GGA3: variants seen among roughly 807,000 people sequenced by gnomAD.
GGA3 encodes ADP-ribosylation factor-binding protein GGA3.
In GGA3, 57 loss-of-function variants were observed where a neutral mutation model predicts 77.5. That is an observed-to-expected ratio of 0.74 (90% CI 0.59 to 0.92). GGA3 has a LOEUF of 0.92. GGA3 is among the 40% of genes least tolerant of loss of function. The pLI, the probability that GGA3 is intolerant of heterozygous loss-of-function variation, is 0.00. For missense variants in GGA3, 970 were observed against 914.9 expected (o/e 1.06, Z -0.78); for synonymous variants, 416 against 383.7 (o/e 1.08, Z -0.98).
At chr17:75,259,650 G>A (rs1387783503) in intron 1 of GGA3, among the ~76,000 whole-genome samples, 1 of 152,172 alleles carries the variant, frequency 6.6e-6, no homozygotes, top group African/African-American at 2.4e-5. Flanking sequence ...GGACGGGAGA[G>A]ACCTGGGTCT....
At chr17:75,257,685 C>T (rs1314917486) in intron 1 of GGA3, among the ~76,000 whole-genome samples, 2 of 152,118 alleles carry the variant, frequency 1.3e-5, no homozygotes, top group Admixed American at 6.5e-5. Context: ...GATCTCCCTT[C>T]GGCTTAATCT....
At position 75,238,223 on chromosome 17, in the gene GGA3, C is replaced by G. The variant is rs2076387935; in HGVS notation, c.*56G>C. The G allele has an allele frequency of 3.1e-6, 5 of 1,592,796 alleles. No homozygotes were observed. Among genetic ancestry groups the G allele is most frequent in the South Asian group, 2.3e-5 (2 of 88,754 alleles). ...GGAGAGTGACGGGACCAGAGCCCTC[C>G]TCGTCTCAGGGCAGCCTGCCTGGCT... On this transcript the variant is annotated 3_prime_UTR_variant, in exon 17 of 17. Coordinates refer to ENST00000537686, the MANE Select transcript of GGA3 (RefSeq NM_138619.4).
rs867220927 is a variant in GGA3, at chr17:75,238,313, T to G, written c.2138A>C (p.Gln713Pro). 1 of 1,613,818 alleles carries G rather than the reference T, an allele frequency of 6.2e-7. No homozygotes were observed. The highest frequency in any genetic ancestry group is 1.7e-4 in the Middle Eastern group (1 of 6,060). ...CCCCCACTGTTCCACAGGAGGGAAC[T>G]GGTCCACCTCGCCCACCTCTGTGCT... ...QLSTEVGEVD[Q>P]FPPVEQWGNL is the part of the protein sequence containing the mutation. Residue 713 changes from glutamine to proline, a missense_variant, in exon 17 of 17, where the codon CAG (glutamine) becomes CCG (proline). Gln to Pro is a moderately conservative substitution (Grantham distance 76). Coordinates refer to ENST00000537686, the MANE Select transcript of GGA3 (RefSeq NM_138619.4).
upstream of GGA3, chr17:75,261,648 G>T: frequency 6.9e-7 from 1 of 1,444,378 alleles, no homozygotes; most frequent in South Asian, 1.4e-5. Flanking sequence ...GCTGAGACGG[G>T]GCGGGGCCTG....
In GGA3 at chr17:75,238,233, G is replaced by T; in HGVS notation, c.*46C>A. The T allele has an allele frequency of 6.2e-7, 1 of 1,601,740 alleles. No individual in the cohort carries two copies. Among genetic ancestry groups the T allele is most frequent in the South Asian group, 1.1e-5 (1 of 89,884 alleles). On this transcript the variant is annotated 3_prime_UTR_variant, in exon 17 of 17. Transcript: ENST00000537686. ...GGGACCAGAGCCCTCCTCGTCTCAG[G>T]GCAGCCTGCCTGGCTTCAAGGTGGA...
rs1187392151 is a variant in GGA3 at position 75,237,530 on chromosome 17, C to T, written c.*749G>A. 10 of 1,535,762 alleles carry T rather than the reference C, an allele frequency of 6.5e-6. No homozygotes were observed. Among genetic ancestry groups the T allele is most frequent in the Non-Finnish European group, 7.8e-6 (9 of 1,146,672 alleles). ...CTTTTCCCAGAAAGCTGAGTACCTG[C>T]TTCTGGAGAAGGGGAAATACTGGCT... On this transcript the variant is annotated 3_prime_UTR_variant, in exon 17 of 17. Coordinates refer to ENST00000537686, the MANE Select transcript of GGA3 (RefSeq NM_138619.4).
chr17:75,245,934 G>A (rs1401576528), intron 3 of GGA3, among the ~76,000 whole-genome samples: 1 of 152,196 alleles, frequency 6.6e-6, no homozygotes, highest in Non-Finnish European at 1.5e-5. Flanking sequence ...AGTCAGGCTA[G>A]AGCCCCGGAT....
rs1477469612 is a variant in GGA3 at position 75,246,703 on chromosome 17, G to A, written c.125+9C>T. 1 of 1,611,712 alleles carries A rather than the reference G, an allele frequency of 6.2e-7. No homozygotes were observed. The highest frequency in any genetic ancestry group is 8.5e-7 in the Non-Finnish European group (1 of 1,177,808). The stretch of plus-strand genomic sequence containing the variant: ...CCCTCTCAGCTGCCCCCACAGTGCT[G>A]AGACTCACCCTTCCAGCTCCTTGTT... On this transcript the variant is annotated intron_variant, in intron 2 of 16. Coordinates refer to ENST00000537686, the MANE Select transcript of GGA3 (RefSeq NM_138619.4).
chr17:75,250,288 A>C (rs888456662), intron 1 of GGA3, among the ~76,000 whole-genome samples: 6 of 152,014 alleles, frequency 3.9e-5, no homozygotes, highest in African/African-American at 1.2e-4. Flanking sequence ...GTTTCTGTCT[A>C]TTTTCGAGTC....
At chr17:75,247,500 G>C (rs1263704705) in intron 1 of GGA3, among the ~76,000 whole-genome samples, 1 of 152,190 alleles carries the variant, frequency 6.6e-6, no homozygotes, top group Admixed American at 6.5e-5. Flanking sequence ...GACCTCAGGT[G>C]ATCGGCCCGC....
intron 7 of GGA3, 136 bp downstream of exon 7, chr17:75,242,695 T>C: frequency 1.1e-6 from 1 of 905,414 alleles, no homozygotes; most frequent in Non-Finnish European, 1.8e-6. Flanking sequence ...CTCCTCCCAC[T>C]CTCAGCCACC....
rs1300379064 is a variant in GGA3 at position 75,237,982 on chromosome 17, G to A, written c.*297C>T. ...CCAGTAGAAGGAAGCAAACACCTAC[G>A]CCAAGCCTGGGGGTCCATGTTCCCG... On this transcript the variant is annotated 3_prime_UTR_variant, in exon 17 of 17. Coordinates refer to ENST00000537686, the MANE Select transcript of GGA3 (RefSeq NM_138619.4). The A allele has an allele frequency of 1.2e-5, 15 of 1,204,456 alleles. No individual in the cohort carries two copies. The highest frequency in any genetic ancestry group is 2.8e-5 in the South Asian group (1 of 35,412). 74.6% of individuals were successfully genotyped at this position (1,204,456 alleles called of 1,614,324 possible). A position where few individuals can be genotyped will look rare whatever the true frequency, so the allele number is the denominator to read the frequency against.
At chr17:75,261,746 G>A (rs2077392958), upstream of GGA3, 3 of 1,145,100 alleles carry the variant, frequency 2.6e-6, no homozygotes, top group South Asian at 4.7e-5. Context: ...TCCTTTTGGC[G>A]CTCCCCTTTG....
At chr17:75,245,416 AC>A (rs2145524750) in intron 3 of GGA3, among the ~76,000 whole-genome samples, 2 of 152,340 alleles carry the variant, frequency 1.3e-5, no homozygotes, top group South Asian at 4.1e-4. Flanking sequence ...GCCTCTGCCT[AC>A]TTGATGCCAG....
rs535551781 is a variant in GGA3 at position 75,240,782 on chromosome 17, G to A, written c.1192+30C>T. 53 of 1,583,864 alleles carry A rather than the reference G, an allele frequency of 3.3e-5. 1 individual carries two copies. The South Asian group carries it at 5.7e-4, about 17-fold the overall frequency. ...CCTTCCTCCCAGAGCCCTGTCAGGG[G>A]ATGCCCCTGACGCCCCCTGTGGGCC... On this transcript the variant is annotated intron_variant, in intron 11 of 16. Transcript: ENST00000537686.
At chr17:75,255,215 T>C (rs1026885890) in intron 1 of GGA3, among the ~76,000 whole-genome samples, 9 of 152,134 alleles carry the variant, frequency 5.9e-5, no homozygotes, top group African/African-American at 1.9e-4. Flanking sequence ...ATAACTGTTG[T>C]GGGTATTGAC....
chr17:75,261,870 A>AGTCCTTGTGGG, upstream of GGA3: 1 of 1,600,198 alleles, frequency 6.2e-7, no homozygotes, highest in Non-Finnish European at 8.5e-7. Context: ...CGCCGAGGGC[A>AGTCCTTGTGGG]GTCCTTGTGG....
In GGA3 at chr17:75,237,882, T is replaced by A. The variant is rs1045818730; in HGVS notation, c.*397A>T. 2 of 1,378,274 alleles carry A rather than the reference T, an allele frequency of 1.5e-6. No individual in the cohort carries two copies. Among genetic ancestry groups the A allele is most frequent in the Non-Finnish European group, 1.9e-6 (2 of 1,069,652 alleles). The allele number at this position is 1,378,274 out of a possible 1,614,324, so 85.4% of individuals were successfully genotyped here. ...GTCAGGTGTGAGGATGTGGCTCTTG[T>A]GGGGAATGACCCATGACAGTCTCTC... On this transcript the variant is annotated 3_prime_UTR_variant, in exon 17 of 17. Transcript: ENST00000537686.
chr17:75,242,355 C>T lies in GGA3; in HGVS notation c.728G>A (p.Gly243Glu). The change falls in exon 8 of 17, where the codon GGG (glycine) becomes GAG (glutamate). Residue 243 changes from glycine (G) to glutamate (E), a missense_variant. Transcript: ENST00000537686. ...LHYSQEDSSD[G>E]DRELMKELFD... ...TCCCACCTTCATCAGCTCTCTGTCCCCGTCCGAAGAGTCCTCCTGGCTGTA... is the reference window on the plus strand; with the variant it reads ...TCCCACCTTCATCAGCTCTCTGTCCTCGTCCGAAGAGTCCTCCTGGCTGTA... 6.2e-7 allele frequency: 1 copy of T among 1,614,216 alleles called. No individual in the cohort carries two copies. The highest frequency in any genetic ancestry group is 1.1e-5 in the South Asian group (1 of 91,082).
Sources: allele counts gnomAD v4.1 joint callset (sites outside exome capture counted in the v4.1 genomes callset), GRCh38; gene constraint gnomAD v4.1.1; transcripts MANE v1.5; gene names NCBI Gene and HGNC (gene_info 2026-07-23, HGNC 2026-07-21).